Variants in MGLL observed in about 807,000 individuals in gnomAD.
The protein encoded by MGLL is lysophospholipase homolog.
A neutral mutation model predicts 29.1 loss-of-function variants in MGLL; 7 were observed. The observed-to-expected ratio is 0.24, with a 90% confidence interval of 0.14 to 0.45. MGLL has a LOEUF of 0.45. Among genes scored for constraint, MGLL ranks in the 20% least tolerant of loss-of-function variants. MGLL has a pLI of 0.99. For synonymous variants in MGLL, 148 were observed against 168.3 expected, an observed-to-expected ratio of 0.88 and a Z score of 0.93; for missense variants, 356 against 413.6, an observed-to-expected ratio of 0.86 and a Z score of 1.21.
intron 7 of MGLL, among the ~76,000 whole-genome samples, chr3:127,693,773 C>T (rs1398516501): frequency 6.6e-6 from 1 of 152,320 alleles, no homozygotes; most frequent in East Asian, 1.9e-4. Context: ...GAGCCTTTGC[C>T]TGTCTTGTTC....
At chr3:127,775,586 T>TAA (rs749528933) in intron 3 of MGLL, among the ~76,000 whole-genome samples, 22 of 151,270 alleles carry the variant, frequency 1.5e-4, no homozygotes, top group African/African-American at 5.1e-4. Context: ...CCAGCTGAGT[T>TAA]AAAAAAAAAC....
intron 3 of MGLL, among the ~76,000 whole-genome samples, chr3:127,765,394 GT>G (rs1446094284): frequency 1.3e-5 from 2 of 152,218 alleles, no homozygotes; most frequent in Admixed American, 1.3e-4. Flanking sequence ...AGATAACCAG[GT>G]GGTAAATTAT....
intron 6 of MGLL, among the ~76,000 whole-genome samples, chr3:127,700,348 A>G (rs2075454781): frequency 6.6e-6 from 1 of 152,164 alleles, no homozygotes; most frequent in Non-Finnish European, 1.5e-5. Context: ...TCTGTCTCCC[A>G]TCACAAACAG....
At chr3:127,695,234 A>C in intron 6 of MGLL, 44 bp from the exon 7 acceptor site, 1 of 1,575,332 alleles carries the variant, frequency 6.3e-7, no homozygotes, top group Non-Finnish European at 8.7e-7. Context: ...GGCAGGGCTC[A>C]CTTCCATAAG....
intron 3 of MGLL, among the ~76,000 whole-genome samples, chr3:127,744,821 A>G (rs571983098): frequency 1.3e-3 from 198 of 152,342 alleles, no homozygotes; most frequent in Middle Eastern, 3.4e-3. Context: ...ATGAAGAGAA[A>G]TGTCAAAGGA....
At chr3:127,747,181 G>A (rs1437174260) in intron 3 of MGLL, among the ~76,000 whole-genome samples, 1 of 152,118 alleles carries the variant, frequency 6.6e-6, no homozygotes, top group Non-Finnish European at 1.5e-5. Flanking sequence ...TGGAGATTTG[G>A]TCTGGGACTC....
chr3:127,772,162 A>G (rs2076959640), intron 3 of MGLL, among the ~76,000 whole-genome samples: 1 of 149,618 alleles, frequency 6.7e-6, no homozygotes, highest in Non-Finnish European at 1.5e-5. Flanking sequence ...AGCAAGCCTT[A>G]CCAGCCCTGC....
At chr3:127,696,057 T>C (rs928386358) in intron 6 of MGLL, among the ~76,000 whole-genome samples, 26 of 152,094 alleles carry the variant, frequency 1.7e-4, no homozygotes, top group African/African-American at 5.8e-4. Context: ...CAAGGGTGGG[T>C]CTGGCTGGGG....
At chr3:127,741,757 C>A (rs957108115) in intron 3 of MGLL, among the ~76,000 whole-genome samples, 1 of 152,208 alleles carries the variant, frequency 6.6e-6, no homozygotes, top group African/African-American at 2.4e-5. Flanking sequence ...GAAGATCGTG[C>A]AAGCAGGTCA....
chr3:127,748,879 C>A (rs2076503963), intron 3 of MGLL, among the ~76,000 whole-genome samples: 4 of 152,196 alleles, frequency 2.6e-5, no homozygotes, highest in African/African-American at 9.6e-5. Flanking sequence ...TGCCACGTGA[C>A]TCTGTTCTTT....
At chr3:127,713,784 G>C (rs1005054048) in intron 5 of MGLL, 3 of 152,250 alleles carry the variant, frequency 2.0e-5, no homozygotes, top group Non-Finnish European at 4.4e-5. Context: ...TGTTTCTGCT[G>C]CTGGCACCTC....
At chr3:127,798,866 C>CA (rs890620486) in intron 2 of MGLL, among the ~76,000 whole-genome samples, 3 of 152,138 alleles carry the variant, frequency 2.0e-5, no homozygotes, top group African/African-American at 7.2e-5. Flanking sequence ...GGGCCCTGGT[C>CA]AGGGTGTCCA....
intron 2 of MGLL, among the ~76,000 whole-genome samples, chr3:127,794,565 TAA>T: frequency 6.6e-6 from 1 of 152,350 alleles, no homozygotes; most frequent in East Asian, 1.9e-4. Flanking sequence ...TTCTGTGATG[TAA>T]GGCTGTCTTC....
At chr3:127,711,989 T>TG (rs2075723639) in intron 5 of MGLL, 1 of 152,338 alleles carries the variant, frequency 6.6e-6, no homozygotes, top group Non-Finnish European at 1.5e-5. Context: ...CCCAAGGTGC[T>TG]GGGATTATAG....
At chr3:127,699,061 G>C (rs1330384295) in intron 6 of MGLL, among the ~76,000 whole-genome samples, 2 of 152,244 alleles carry the variant, frequency 1.3e-5, no homozygotes, top group Non-Finnish European at 2.9e-5. Flanking sequence ...TCCCCGGGGT[G>C]GGGGTTGGGA....
chr3:127,745,760 G>T (rs1204594390), intron 3 of MGLL, among the ~76,000 whole-genome samples: 1 of 152,174 alleles, frequency 6.6e-6, no homozygotes, highest in African/African-American at 2.4e-5. Context: ...CATCCTCTGG[G>T]ATGCAGCTGC....
chr3:127,790,782 T>C (rs1033846305), intron 2 of MGLL, among the ~76,000 whole-genome samples: 1 of 152,146 alleles, frequency 6.6e-6, no homozygotes, highest in Non-Finnish European at 1.5e-5. Flanking sequence ...CACACCAGAA[T>C]GCCTGGATTT....
chr3:127,758,109 G>A (rs1436930638), intron 3 of MGLL, among the ~76,000 whole-genome samples: 3 of 152,046 alleles, frequency 2.0e-5, no homozygotes, highest in Non-Finnish European at 4.4e-5. Context: ...GCACCCTCCT[G>A]CCCCAGGACC....
At chr3:127,703,668 C>G (rs754772294) in intron 6 of MGLL, among the ~76,000 whole-genome samples, 10 of 152,016 alleles carry the variant, frequency 6.6e-5, no homozygotes, top group Admixed American at 2.6e-4. Context: ...ACACCAAAAG[C>G]ACAGGCAACA....
Sources: gnomAD v4.1 joint callset for allele counts (sites outside exome capture counted in the v4.1 genomes callset) on GRCh38, gnomAD v4.1.1 for gene constraint, MANE v1.5 for transcripts, NCBI Gene and HGNC (gene_info 2026-07-23, HGNC 2026-07-21) for gene names.